Variants in DACT2 observed in about 807,000 individuals in gnomAD.
DACT2 encodes the protein dapper homolog 2.
Under a neutral mutation model 22.2 loss-of-function variants are expected in DACT2, and 20 were observed. The ratio of observed to expected loss-of-function variants is 0.90; its 90% CI spans 0.63 to 1.31. The LOEUF (loss-of-function observed/expected upper bound fraction) is 1.31. Ranked by LOEUF, DACT2 falls within the 50% of genes most tolerant of loss-of-function variation. DACT2 has a pLI of 0.00. For synonymous variants in DACT2, 463 were observed against 479.8 expected, an observed-to-expected ratio of 0.96 and a Z score of 0.46; for missense variants, 1,048 against 1,061.4, an observed-to-expected ratio of 0.99 and a Z score of 0.18.
chr6:168,296,060 TGAG>T (rs1488019751), intron 3 of DACT2, among the ~76,000 whole-genome samples: 1 of 128,656 alleles, frequency 7.8e-6, no homozygotes, highest in South Asian at 2.7e-4. Context: ...TCCACAGCGG[TGAG>T]GAGATGGTCA....
Position 168,307,326 on chromosome 6 carries a change from G to T in DACT2, c.*106C>A. 2.0e-6 allele frequency: 3 copies of T among 1,491,162 alleles called. No homozygotes were observed. Among genetic ancestry groups the T allele is most frequent in the Non-Finnish European group, 2.7e-6 (3 of 1,120,904 alleles). 92.4% of individuals were successfully genotyped at this position (1,491,162 alleles called of 1,614,324 possible). On this transcript the variant is annotated 3_prime_UTR_variant, in exon 4 of 4. Coordinates refer to ENST00000366795, the MANE Select transcript of DACT2 (RefSeq NM_214462.5). The surrounding 1 kb of genome is among the most constrained non-coding windows in gnomAD (Gnocchi z 5.3). ...CTCCTGTTAAACGGTGGCCTCGGAA[G>T]ATAAAGCGACTTGGCAAGACGACAC... is the stretch of plus-strand genomic sequence containing the variant.
intron 1 of DACT2, among the ~76,000 whole-genome samples, chr6:168,316,291 C>T (rs1455718475): frequency 3.3e-5 from 5 of 151,420 alleles, no homozygotes; most frequent in East Asian, 3.9e-4. Flanking sequence ...CTGTGGCTGT[C>T]GTGTGCTGAG....
chr6:168,304,851 G>A (rs993267049), downstream of DACT2, among the ~76,000 whole-genome samples: 2 of 152,212 alleles, frequency 1.3e-5, no homozygotes, highest in Admixed American at 6.5e-5. Context: ...AACACTGAGC[G>A]GAGGCAAGGA....
chr6:168,318,135 G>A (rs1263040553), intron 1 of DACT2, among the ~76,000 whole-genome samples: 1 of 151,838 alleles, frequency 6.6e-6, no homozygotes, highest in Non-Finnish European at 1.5e-5. Context: ...GTGCTGAGCT[G>A]AGGTCACACA....
intron 5 of DACT2, chr6:168,294,046 C>T (rs536809406): frequency 1.3e-5 from 9 of 703,048 alleles, no homozygotes; most frequent in South Asian, 3.0e-5. Flanking sequence ...CCCCACAGAG[C>T]ACCCACGATG....
At chr6:168,298,571 A>C (rs1432658769) in intron 3 of DACT2, 1 of 152,232 alleles carries the variant, frequency 6.6e-6, no homozygotes, top group Non-Finnish European at 1.5e-5. Context: ...TGCTAACGCC[A>C]AAATTCAGCT....
At chr6:168,302,755 A>C (rs1779132455), downstream of DACT2, among the ~76,000 whole-genome samples, 1 of 152,206 alleles carries the variant, frequency 6.6e-6, no homozygotes, top group South Asian at 2.1e-4. Context: ...TGAGCTCAGC[A>C]CATTTGGTAA....
chr6:168,307,005 A>G lies in DACT2; in HGVS notation c.*427T>C. 3.0e-6 allele frequency: 3 copies of G among 1,000,826 alleles called. No individual in the cohort carries two copies. The highest frequency in any genetic ancestry group is 3.6e-6 in the Non-Finnish European group (3 of 839,446). The allele number at this position is 1,000,826 out of a possible 1,614,324, so 62.0% of individuals were successfully genotyped here. ...AACGTGGAGTTTAAACTCAAATTCA[A>G]TTTCCAGCTCAGAGTCCTGCAACCG... On this transcript the variant is annotated 3_prime_UTR_variant, in exon 4 of 4. Transcript: ENST00000366795. This position sits in a 1 kb window ranked among gnomAD's most constrained non-coding sequence, Gnocchi z 5.3.
chr6:168,307,787 G>T lies in DACT2; in HGVS notation c.1970C>A (p.Thr657Asn), dbSNP rs779905976. The part of the protein sequence containing the change: ...RPSLVRQDAY[T>N]RSDSEPSKHS... The stretch of plus-strand genomic sequence containing the variant: ...CTTGGAGGGCTCTGAGTCGCTCCTG[G>T]TGTAGGCGTCCTGGCGGACCAGTGA... Residue 657 changes from threonine (T) to asparagine (N), a missense_variant, in exon 4 of 4, where the codon ACC becomes AAC. Physicochemically the swap from Thr to Asn is moderately conservative, Grantham distance 65 (BLOSUM62 0). Transcript: ENST00000366795. This position sits in a 1 kb window ranked among gnomAD's most constrained non-coding sequence, Gnocchi z 5.3. 1.7e-5 allele frequency: 27 copies of T among 1,544,260 alleles called. No homozygotes were observed. Among genetic ancestry groups the T allele is most frequent in the Admixed American group, 1.4e-4 (7 of 50,956 alleles).
At chr6:168,311,832 C>T (rs1043854501) in intron 1 of DACT2, among the ~76,000 whole-genome samples, 1 of 152,222 alleles carries the variant, frequency 6.6e-6, no homozygotes, top group Non-Finnish European at 1.5e-5. Context: ...TTTTGGCAGA[C>T]AGGAACTATC....
At chr6:168,311,130 G>A in intron 2 of DACT2, 22 bp downstream of exon 2, 1 of 1,508,296 alleles carries the variant, frequency 6.6e-7, no homozygotes. Flanking sequence ...CCTGTGTCCG[G>A]GAGGTCAGGG....
downstream of DACT2, among the ~76,000 whole-genome samples, chr6:168,304,830 T>G (rs1295172547): frequency 1.3e-5 from 2 of 152,200 alleles, no homozygotes; most frequent in Non-Finnish European, 2.9e-5. Flanking sequence ...CTGGGCTGCC[T>G]GGTCCCGCAG....
In DACT2 at chr6:168,319,499, G is replaced by A; in HGVS notation, c.135C>T (p.Gly45=). 7.8e-7 allele frequency: 1 copy of A among 1,282,822 alleles called. No homozygotes were observed. The allele number at this position is 1,282,822 out of a possible 1,614,324, so 79.5% of individuals were successfully genotyped here. The part of the protein sequence containing the change: ...LRATQQERVR[G]ALALQPPPAP... ...CGGGCGGGGGCTGCAGGGCCAGGGC[G>A]CCCCGTACCCGCTCCTGCTGCGTGG... Residue 45 remains glycine, a synonymous_variant, in exon 1 of 4, where the codon GGC becomes GGT. Coordinates refer to ENST00000366795, the MANE Select transcript of DACT2 (RefSeq NM_214462.5).
intron 1 of DACT2, among the ~76,000 whole-genome samples, chr6:168,315,416 G>A (rs1307587016): frequency 6.6e-6 from 1 of 152,094 alleles, no homozygotes; most frequent in Non-Finnish European, 1.5e-5. Context: ...AGACATACAT[G>A]AGGACACAGT....
intron 1 of DACT2, 95 bp downstream of exon 1, chr6:168,319,293 A>AC: frequency 9.3e-7 from 1 of 1,079,660 alleles, no homozygotes; most frequent in African/African-American, 1.7e-5. Context: ...CATCCATCAG[A>AC]CACCCCCGTC....
At chr6:168,310,530 A>G in intron 2 of DACT2, 84 bp from the exon 3 acceptor site, 2 of 1,493,456 alleles carry the variant, frequency 1.3e-6, no homozygotes, top group Non-Finnish European at 1.8e-6. Context: ...GTCACGGCAC[A>G]GGTGGGCCCA....
At chr6:168,294,336 T>TCCCCTCCTAG in intron 4 of DACT2, 1 of 674,680 alleles carries the variant, frequency 1.5e-6, no homozygotes, top group East Asian at 2.7e-5. Context: ...GCCACGCTTC[T>TCCCCTCCTAG]CCCCTCCTAG....
Position 168,319,757 on chromosome 6 carries a change from C to T in DACT2, c.-124G>A. The T allele has an allele frequency of 8.5e-7, 1 of 1,174,256 alleles. No individual in the cohort carries two copies. Among genetic ancestry groups the T allele is most frequent in the South Asian group, 4.2e-5 (1 of 23,672 alleles). The allele number at this position is 1,174,256 out of a possible 1,614,324, so 72.7% of individuals were successfully genotyped here. A position where few individuals can be genotyped will look rare whatever the true frequency, so the allele number is the denominator to read the frequency against. ...TCTCTCCGCCCCCGGCTCCGCAGGT[C>T]GCCAAGGTGGGCTGGAATCTGTGGC... On this transcript the variant is annotated 5_prime_UTR_variant, in exon 1 of 4. Transcript: ENST00000366795.
At chr6:168,305,489 C>T (rs1308939014), downstream of DACT2, among the ~76,000 whole-genome samples, 2 of 152,194 alleles carry the variant, frequency 1.3e-5, no homozygotes, top group South Asian at 2.1e-4. Flanking sequence ...TAGGTCACCA[C>T]GGAGGATGAA....
Sources: allele counts gnomAD v4.1 joint callset (sites outside exome capture counted in the v4.1 genomes callset), GRCh38; gene constraint gnomAD v4.1.1; non-coding constraint Gnocchi (gnomAD v3.1); transcripts MANE v1.5; gene names NCBI Gene and HGNC (gene_info 2026-07-23, HGNC 2026-07-21).